SHANK2: variants seen among roughly 807,000 people sequenced by gnomAD.
SHANK2 encodes SH3 and multiple ankyrin repeat domains protein 2.
In SHANK2, 43 loss-of-function variants were observed where a neutral mutation model predicts 133.7. That is an observed-to-expected ratio of 0.32 (90% CI 0.25 to 0.41). The LOEUF (loss-of-function observed/expected upper bound fraction) is 0.41. Ranked by LOEUF, SHANK2 falls within the 10% of genes least tolerant of loss-of-function variation. The pLI is 1.00. For missense variants in SHANK2, 1,994 were observed against 2,235.8 expected, an observed-to-expected ratio of 0.89 and a Z score of 2.18; for synonymous variants, 1,017 against 952.8, an observed-to-expected ratio of 1.07 and a Z score of -1.24.
At chr11:71,218,261 C>CTTTTTTTTTTT (rs71049964) in intron 2 of SHANK2, among the ~76,000 whole-genome samples, 1 of 72,522 alleles carries the variant, frequency 1.4e-5, no homozygotes, top group African/African-American at 4.8e-5. Flanking sequence ...TTTTCTTTTT[C>CTTTTTTTTTTT]TTTTTTTTTT....
At chr11:70,671,307 G>A (rs769710375) in intron 15 of SHANK2, among the ~76,000 whole-genome samples, 2 of 152,114 alleles carry the variant, frequency 1.3e-5, no homozygotes, top group African/African-American at 4.8e-5. Context: ...GGAGAATGCC[G>A]GCCTTGGAAG....
At chr11:70,851,805 G>A (rs1416408869) in intron 11 of SHANK2, among the ~76,000 whole-genome samples, 1 of 152,204 alleles carries the variant, frequency 6.6e-6, no homozygotes, top group Non-Finnish European at 1.5e-5. Context: ...CCCAGAGCTT[G>A]GGGTCCAGTT....
chr11:71,230,019 G>C (rs1022875000), intron 1 of SHANK2, among the ~76,000 whole-genome samples: 32 of 152,108 alleles, frequency 2.1e-4, no homozygotes, highest in African/African-American at 7.2e-4. Context: ...TTTTTTTGTA[G>C]ATATGGACAA....
chr11:70,771,815 CA>C (rs1329297430), intron 14 of SHANK2, among the ~76,000 whole-genome samples: 2 of 152,190 alleles, frequency 1.3e-5, no homozygotes, highest in African/African-American at 4.8e-5. Flanking sequence ...TTCCTGGAGC[CA>C]AATCCCCGTT....
chr11:70,718,684 T>C (rs899405560), intron 14 of SHANK2, among the ~76,000 whole-genome samples: 2 of 148,892 alleles, frequency 1.3e-5, no homozygotes, highest in African/African-American at 5.0e-5. Context: ...CCTCCCTTTT[T>C]GATAGAGCTC....
intron 17 of SHANK2, among the ~76,000 whole-genome samples, chr11:70,639,176 G>A (rs1298403783): frequency 6.6e-6 from 1 of 152,124 alleles, no homozygotes; most frequent in Non-Finnish European, 1.5e-5. Context: ...TCTGTGTTGG[G>A]GACCCAGATG....
intron 17 of SHANK2, among the ~76,000 whole-genome samples, chr11:70,525,404 C>T (rs537389611): frequency 1.3e-5 from 2 of 152,284 alleles, no homozygotes; most frequent in Non-Finnish European, 2.9e-5. Flanking sequence ...CCCTAACACC[C>T]AGGACAGCTC....
At chr11:70,898,219 G>A (rs1185319545) in intron 10 of SHANK2, among the ~76,000 whole-genome samples, 2 of 146,380 alleles carry the variant, frequency 1.4e-5, no homozygotes, top group Non-Finnish European at 3.0e-5. Flanking sequence ...TGATCAGCCT[G>A]CCTCCCAAAG....
intron 2 of SHANK2, among the ~76,000 whole-genome samples, chr11:71,183,249 G>A (rs1555114020): frequency 6.6e-6 from 1 of 152,164 alleles, no homozygotes; most frequent in East Asian, 1.9e-4. Context: ...GAGGGACAAG[G>A]GGCAAAGGTG....
intron 12 of SHANK2, among the ~76,000 whole-genome samples, chr11:70,817,331 G>C (rs1948420121): frequency 6.6e-6 from 1 of 152,192 alleles, no homozygotes; most frequent in Non-Finnish European, 1.5e-5. Context: ...TACCATTGAG[G>C]ATGCTGAATC....
chr11:70,933,810 C>T (rs900010633), intron 10 of SHANK2, among the ~76,000 whole-genome samples: 1 of 151,188 alleles, frequency 6.6e-6, no homozygotes, highest in African/African-American at 2.4e-5. Flanking sequence ...ATCCCAGCTA[C>T]TCGGGAGGCT....
At chr11:70,934,922 C>T (rs1329121053) in intron 10 of SHANK2, among the ~76,000 whole-genome samples, 3 of 152,036 alleles carry the variant, frequency 2.0e-5, no homozygotes, top group African/African-American at 7.2e-5. Flanking sequence ...ACCAAAGCGA[C>T]GCAGCAGCCG....
intron 14 of SHANK2, among the ~76,000 whole-genome samples, chr11:70,742,318 C>T (rs1285475277): frequency 6.6e-6 from 1 of 152,160 alleles, no homozygotes; most frequent in East Asian, 1.9e-4. Context: ...GCTCTCCAGA[C>T]CCTATTGTCT....
intron 10 of SHANK2, among the ~76,000 whole-genome samples, chr11:70,949,118 G>T (rs1251104122): frequency 3.3e-5 from 5 of 152,106 alleles, no homozygotes; most frequent in African/African-American, 1.2e-4. Context: ...AAATACACTG[G>T]ATAAACACAC....
At chr11:70,875,337 T>C (rs1480933635) in intron 11 of SHANK2, among the ~76,000 whole-genome samples, 1 of 151,852 alleles carries the variant, frequency 6.6e-6, no homozygotes, top group Non-Finnish European at 1.5e-5. Context: ...ATTGCATGTT[T>C]GGTGAAACCC....
chr11:70,562,181 T>C (rs1554981020), intron 17 of SHANK2, among the ~76,000 whole-genome samples: 1 of 152,226 alleles, frequency 6.6e-6, no homozygotes. Flanking sequence ...CTTGAATAGT[T>C]CCAAATTTAT....
At chr11:70,599,117 A>G (rs1554990183) in intron 17 of SHANK2, among the ~76,000 whole-genome samples, 1 of 152,186 alleles carries the variant, frequency 6.6e-6, no homozygotes, top group Admixed American at 6.5e-5. Flanking sequence ...AGAATTAATA[A>G]GAGAATTCAG....
intron 2 of SHANK2, among the ~76,000 whole-genome samples, chr11:71,151,817 T>C (rs1555108144): frequency 6.6e-6 from 1 of 152,162 alleles, no homozygotes; most frequent in Non-Finnish European, 1.5e-5. Context: ...CCAAGCTGCT[T>C]CCAGGGGTGC....
intron 1 of SHANK2, among the ~76,000 whole-genome samples, chr11:71,251,103 C>G (rs1392939716): frequency 6.6e-6 from 1 of 151,874 alleles, no homozygotes; most frequent in Non-Finnish European, 1.5e-5. Flanking sequence ...GACCCCCCCA[C>G]CACCCACCCC....
Sources: allele counts gnomAD v4.1 joint callset (sites outside exome capture counted in the v4.1 genomes callset), GRCh38; gene constraint gnomAD v4.1.1; transcripts MANE v1.5; gene names NCBI Gene and HGNC (gene_info 2026-07-23, HGNC 2026-07-21).